NLRC5: variants seen among roughly 807,000 people sequenced by gnomAD.
The protein encoded by NLRC5 is protein NLRC5.
A neutral mutation model predicts 206.9 loss-of-function variants in NLRC5; 114 were observed. The ratio of observed to expected loss-of-function variants is 0.55; its 90% CI spans 0.47 to 0.64. The LOEUF is 0.64. Ranked by LOEUF, NLRC5 falls within the 30% of genes least tolerant of loss-of-function variation. NLRC5 has a pLI of 0.00. For missense variants in NLRC5, 2,008 were observed against 2,305.5 expected, an observed-to-expected ratio of 0.87 and a Z score of 2.64; for synonymous variants, 952 against 962.8, an observed-to-expected ratio of 0.99 and a Z score of 0.21.
chr16:57,003,047 G>GTGTTTGTTTGTTTGTT (rs141689188), intron 1 of NLRC5, among the ~76,000 whole-genome samples: 141 of 150,152 alleles, frequency 9.4e-4, no homozygotes, highest in African/African-American at 3.2e-3. Context: ...ATAGATTGAG[G>GTGTTTGTTTGTTTGTT]TGTTTGTTTG....
chr16:57,042,696 C>A (rs1452845637), intron 19 of NLRC5, among the ~76,000 whole-genome samples: 1 of 152,226 alleles, frequency 6.6e-6, no homozygotes, highest in East Asian at 1.9e-4. Context: ...TCTCTGTGAA[C>A]ACGCTTTGCT....
rs555831915 is a variant in NLRC5, at chr16:57,007,568, C to CAA, written c.-127-9495_-127-9494dup. Among the ~76,000 whole-genome samples, 1,350 of 142,238 alleles carry CAA rather than the reference C, an allele frequency of 9.5e-3. 50 individuals carry two copies. The highest frequency in any genetic ancestry group is 0.064 in the Admixed American group (923 of 14,348). The allele number at this position is 142,238 out of a possible 152,430, so 93.3% of individuals were successfully genotyped here. ...TGAAACTCAGTCTCTATTAAAAATA[C>CAA]AAAAAAAAAAAATTAATCAGGCATG... On this transcript the variant is annotated intron_variant, in intron 1 of 48. Transcript: ENST00000688547.
intron 38 of NLRC5, among the ~76,000 whole-genome samples, chr16:57,070,863 A>AGG (rs1162447680): frequency 1.1e-5 from 1 of 87,528 alleles, no homozygotes; most frequent in African/African-American, 6.2e-5. Context: ...GAAGGGTGTG[A>AGG]GAGTGGTGAT....
chr16:57,013,884 T>C, intron 1 of NLRC5: 1 of 598,722 alleles, frequency 1.7e-6, no homozygotes, highest in Non-Finnish European at 3.1e-6. Flanking sequence ...TATTTTATGA[T>C]ATCATATGCA....
intron 43 of NLRC5, 127 bp downstream of exon 43, chr16:57,078,147 C>T (rs2068651524): frequency 1.8e-5 from 12 of 679,712 alleles, no homozygotes; most frequent in Admixed American, 3.3e-5. Context: ...TATACCCACT[C>T]TCCTGCCTGT....
intron 38 of NLRC5, among the ~76,000 whole-genome samples, chr16:57,070,908 ATGG>A (rs1465328424): frequency 1.4e-5 from 1 of 70,792 alleles, no homozygotes. Context: ...GTGAGTGGTG[ATGG>A]TGGTTAATGG....
chr16:57,082,391 T>G (rs981286625), intron 48 of NLRC5, 26 bp from the exon 49 acceptor site: 1 of 1,533,420 alleles, frequency 6.5e-7, no homozygotes, highest in Non-Finnish European at 9.0e-7. Flanking sequence ...GGAGGATGAA[T>G]GAGTGCCTAT....
intron 43 of NLRC5, 37 bp downstream of exon 43, chr16:57,078,057 G>A (rs1406282835): frequency 6.6e-7 from 1 of 1,516,604 alleles, no homozygotes; most frequent in Non-Finnish European, 8.9e-7. Flanking sequence ...CAGGGCTGGT[G>A]GGGAGGAGGG....
At chr16:57,053,547 G>A (rs927921391) in intron 24 of NLRC5, among the ~76,000 whole-genome samples, 17 of 152,060 alleles carry the variant, frequency 1.1e-4, no homozygotes, top group African/African-American at 3.9e-4. Context: ...TCTTTTTTGT[G>A]GGGGAGGGTC....
intron 1 of NLRC5, among the ~76,000 whole-genome samples, chr16:57,000,549 C>A (rs1358092988): frequency 1.3e-5 from 2 of 152,040 alleles, no homozygotes; most frequent in Non-Finnish European, 2.9e-5. Flanking sequence ...CAGGGAGACA[C>A]CTCTTCAACT....
At chr16:57,048,692 C>T (rs1040048082) in intron 23 of NLRC5, among the ~76,000 whole-genome samples, 4 of 152,240 alleles carry the variant, frequency 2.6e-5, no homozygotes, top group Middle Eastern at 3.4e-3. Context: ...CGCCATCATG[C>T]CTGGCTAATT....
chr16:57,045,382 T>C, intron 20 of NLRC5, 66 bp from the exon 21 acceptor site: 2 of 1,566,380 alleles, frequency 1.3e-6, no homozygotes, highest in Non-Finnish European at 8.8e-7. Flanking sequence ...CAGTCTGGGT[T>C]CTTGCCACTG....
intron 1 of NLRC5, chr16:57,013,695 G>C (rs1007644319): frequency 3.7e-6 from 3 of 800,982 alleles, no homozygotes; most frequent in Non-Finnish European, 6.7e-6. Flanking sequence ...TGGTAACCTG[G>C]AATATGCTCC....
chr16:57,031,331 A>G, intron 10 of NLRC5, 73 bp from the exon 11 acceptor site: 1 of 1,496,752 alleles, frequency 6.7e-7, no homozygotes, highest in South Asian at 1.1e-5. Flanking sequence ...GGGGCAGAAA[A>G]GGGTGTGCCT....
chr16:57,075,566 G>A (rs187546358), intron 39 of NLRC5, among the ~76,000 whole-genome samples: 1 of 152,270 alleles, frequency 6.6e-6, no homozygotes, highest in African/African-American at 2.4e-5. Context: ...ATCAATTCTG[G>A]GGGCCACGGT....
intron 1 of NLRC5, among the ~76,000 whole-genome samples, chr16:57,003,242 G>T (rs144555886): frequency 7.9e-5 from 12 of 152,042 alleles, no homozygotes; most frequent in African/African-American, 2.9e-4. Context: ...TAGAGACGAG[G>T]TTTCCTCATG....
rs1205288193 is a variant in NLRC5, at chr16:57,069,884, T to C, written c.4548T>C (p.Ser1516=). 1 of 1,594,720 alleles carries C rather than the reference T, an allele frequency of 6.3e-7. No individual in the cohort carries two copies. The highest frequency in any genetic ancestry group is 8.5e-7 in the Non-Finnish European group (1 of 1,171,342). The part of the protein sequence containing the change: ...VSTEGLAHLA[S]GLGHCHHLEE... ...CCGAGGGCCTCGCCCACCTGGCATC[T>C]GGTCTGGGCCACTGCCACCACTTGG... Residue 1516 remains serine, a synonymous_variant, in exon 37 of 49, where the codon TCT becomes TCC. Coordinates refer to ENST00000688547, the MANE Select transcript of NLRC5 (RefSeq NM_001384950.1).
At chr16:57,012,462 T>C (rs535975925) in intron 1 of NLRC5, among the ~76,000 whole-genome samples, 21 of 152,246 alleles carry the variant, frequency 1.4e-4, no homozygotes, top group African/African-American at 4.8e-4. Context: ...TCAGTGTCGG[T>C]TCATGGCCTG....
intron 1 of NLRC5, among the ~76,000 whole-genome samples, chr16:57,008,590 A>G (rs1047745993): frequency 5.3e-5 from 8 of 152,240 alleles, no homozygotes; most frequent in Non-Finnish European, 1.0e-4. Flanking sequence ...TTCTTTGTAC[A>G]GTGTAATGCA....
Sources: gnomAD v4.1 joint callset for allele counts (sites outside exome capture counted in the v4.1 genomes callset) on GRCh38, gnomAD v4.1.1 for gene constraint, MANE v1.5 for transcripts, NCBI Gene and HGNC (gene_info 2026-07-23, HGNC 2026-07-21) for gene names.